TMEM74: variants seen among roughly 807,000 people sequenced by gnomAD.
The protein encoded by TMEM74 is transmembrane protein 74.
In TMEM74, 13 loss-of-function variants were observed where a neutral mutation model predicts 18.1. That is an observed-to-expected ratio of 0.72 (90% CI 0.47 to 1.14). TMEM74 has a LOEUF of 1.14. TMEM74 is among the 50% of genes most tolerant of loss of function. The pLI is 0.00. For missense variants in TMEM74, 372 were observed against 375.9 expected, an observed-to-expected ratio of 0.99 and a Z score of 0.09; for synonymous variants, 159 against 146.6, an observed-to-expected ratio of 1.08 and a Z score of -0.61.
At chr8:108,771,577 C>T (rs972967644) in intron 1 of TMEM74, among the ~76,000 whole-genome samples, 2 of 152,050 alleles carry the variant, frequency 1.3e-5, no homozygotes, top group Admixed American at 6.6e-5. Flanking sequence ...TGAGAGAAAG[C>T]GCTGCTGCAT....
chr8:108,724,182 A>T (rs534709707), intron 1 of TMEM74, among the ~76,000 whole-genome samples: 1 of 152,166 alleles, frequency 6.6e-6, no homozygotes, highest in South Asian at 2.1e-4. Context: ...TATTTTCTCA[A>T]TAATCCTTCC....
Position 108,780,792 on chromosome 8 carries a change from A to G in TMEM74, c.*3389T>C, listed in dbSNP as rs1278973053. On this transcript the variant is annotated 3_prime_UTR_variant, in exon 2 of 2. Transcript: ENST00000297459. ...AAGCAGTCTTGTCTTCCTGTAAACT[A>G]TAAATCACCTACACAGTGGGGAGCA... Among the ~76,000 whole-genome samples, 1 of 152,170 alleles carries G rather than the reference A, an allele frequency of 6.6e-6. No homozygotes were observed.
intron 1 of TMEM74, among the ~76,000 whole-genome samples, chr8:108,695,651 A>G (rs139100173): frequency 2.2e-4 from 33 of 152,234 alleles, no homozygotes; most frequent in African/African-American, 7.7e-4. Context: ...TGCCCTATCC[A>G]CTGTAGCACA....
intron 1 of TMEM74, among the ~76,000 whole-genome samples, chr8:108,761,315 C>A (rs372821295): frequency 6.6e-6 from 1 of 152,014 alleles, no homozygotes; most frequent in Non-Finnish European, 1.5e-5. Context: ...TAAATAGAAC[C>A]TACCTCATAG....
intron 1 of TMEM74, among the ~76,000 whole-genome samples, chr8:108,666,187 T>C (rs1332785208): frequency 6.6e-6 from 1 of 152,162 alleles, no homozygotes; most frequent in African/African-American, 2.4e-5. Context: ...CCTGGTGATA[T>C]AGTCTTCCAA....
At chr8:108,686,198 T>A (rs1341410996) in intron 1 of TMEM74, among the ~76,000 whole-genome samples, 1 of 152,148 alleles carries the variant, frequency 6.6e-6, no homozygotes, top group East Asian at 1.9e-4. Context: ...GTTTTATACT[T>A]CTTTTTTTGT....
intron 2 of TMEM74, among the ~76,000 whole-genome samples, chr8:108,623,902 A>G (rs1386059056): frequency 2.0e-5 from 3 of 152,094 alleles, no homozygotes; most frequent in African/African-American, 7.2e-5. Context: ...CCCCTAAAGC[A>G]AAGAATTATT....
rs147830807 is a variant in TMEM74 at position 108,773,495 on chromosome 8, C to T, written n.119+13981G>A. The stretch of plus-strand genomic sequence containing the variant: ...AAAATATGTACGCATTCCTTCTTGA[C>T]GCTCCTCCCCTAAAACGGTAGAGCC... On this transcript the variant is annotated intron_variant and non_coding_transcript_variant, in intron 1 of 3. Coordinates refer to the TMEM74 transcript ENST00000518838. 1.1e-4 allele frequency among the ~76,000 whole-genome samples: 17 copies of T among 152,276 alleles called. No individual in the cohort carries two copies. The East Asian group carries it at 2.5e-3, about 22-fold the overall frequency.
At chr8:108,718,240 G>A (rs909705859) in intron 1 of TMEM74, among the ~76,000 whole-genome samples, 3 of 150,796 alleles carry the variant, frequency 2.0e-5, no homozygotes, top group Admixed American at 6.6e-5. Context: ...TTACAGGCGT[G>A]AGCCACCGCG....
chr8:108,641,351 A>C (rs1052570201), intron 2 of TMEM74, among the ~76,000 whole-genome samples: 1 of 152,148 alleles, frequency 6.6e-6, no homozygotes, highest in African/African-American at 2.4e-5. Context: ...TTACTGATAC[A>C]GTTCATTCTC....
At chr8:108,647,157 T>G (rs1451002303) in intron 2 of TMEM74, among the ~76,000 whole-genome samples, 1 of 152,148 alleles carries the variant, frequency 6.6e-6, no homozygotes. Flanking sequence ...AATCTTTGCC[T>G]TCTGCCTTAT....
intron 2 of TMEM74, among the ~76,000 whole-genome samples, chr8:108,635,208 A>G (rs573989821): frequency 6.6e-6 from 1 of 152,078 alleles, no homozygotes; most frequent in Admixed American, 6.6e-5. Flanking sequence ...AACTCAATTT[A>G]AACAACAACA....
At chr8:108,728,536 T>C (rs1813663252) in intron 1 of TMEM74, among the ~76,000 whole-genome samples, 1 of 152,166 alleles carries the variant, frequency 6.6e-6, no homozygotes, top group South Asian at 2.1e-4. Context: ...CATTTACTAA[T>C]ATACCCTGTG....
intron 1 of TMEM74, among the ~76,000 whole-genome samples, chr8:108,711,571 G>A (rs1813475773): frequency 2.0e-5 from 3 of 152,196 alleles, no homozygotes; most frequent in Non-Finnish European, 2.9e-5. Flanking sequence ...TGACTTAAAT[G>A]TGACCTTGTG....
At chr8:108,733,191 T>G (rs1813712588) in intron 1 of TMEM74, among the ~76,000 whole-genome samples, 1 of 152,152 alleles carries the variant, frequency 6.6e-6, no homozygotes, top group African/African-American at 2.4e-5. Context: ...TATAGAAGCT[T>G]TGTTCTAGAA....
intron 1 of TMEM74, among the ~76,000 whole-genome samples, chr8:108,726,174 T>C (rs1375972038): frequency 6.6e-6 from 1 of 152,164 alleles, no homozygotes; most frequent in Admixed American, 6.5e-5. Flanking sequence ...TAAGACTATA[T>C]ATCATCATCT....
intron 1 of TMEM74, among the ~76,000 whole-genome samples, chr8:108,716,064 A>G (rs1340507885): frequency 1.3e-5 from 2 of 152,166 alleles, no homozygotes; most frequent in Non-Finnish European, 2.9e-5. Flanking sequence ...CAGGTAATAT[A>G]GACAGAAACA....
intron 1 of TMEM74, among the ~76,000 whole-genome samples, chr8:108,686,537 C>T (rs1356980613): frequency 6.6e-6 from 1 of 151,986 alleles, no homozygotes; most frequent in Non-Finnish European, 1.5e-5. Context: ...GAATTGTGCT[C>T]TTTATTGGAG....
chr8:108,657,883 T>TATATATATATATATATTAATTAC (rs1812859483), intron 1 of TMEM74, among the ~76,000 whole-genome samples: 1 of 113,804 alleles, frequency 8.8e-6, no homozygotes, highest in African/African-American at 3.5e-5. Flanking sequence ...TATATATATA[T>TATATATATATATATATTAATTAC]ATATATATAT....
Sources: gnomAD v4.1 joint callset for allele counts (sites outside exome capture counted in the v4.1 genomes callset) on GRCh38, gnomAD v4.1.1 for gene constraint, MANE v1.5 for transcripts, NCBI Gene and HGNC (gene_info 2026-07-23, HGNC 2026-07-21) for gene names.